DAGLA: variants seen among roughly 807,000 people sequenced by gnomAD.
DAGLA encodes the protein diacylglycerol lipase alpha.
A neutral mutation model predicts 102.6 loss-of-function variants in DAGLA; 22 were observed. The ratio of observed to expected loss-of-function variants is 0.21; its 90% CI spans 0.15 to 0.31. The LOEUF (loss-of-function observed/expected upper bound fraction) is 0.31, where lower values mean the gene tolerates loss of function less well. Ranked by LOEUF, DAGLA falls within the 10% of genes least tolerant of loss-of-function variation. DAGLA has a pLI of 1.00. For missense variants in DAGLA, 927 were observed against 1,446.6 expected (o/e 0.64, Z 5.83); for synonymous variants, 578 against 628.9 (o/e 0.92, Z 1.21).
At chr11:61,738,782 C>T (rs777484145) in intron 16 of DAGLA, among the ~76,000 whole-genome samples, 28 of 152,230 alleles carry the variant, frequency 1.8e-4, no homozygotes, top group Admixed American at 9.1e-4. Flanking sequence ...GGCAGGCCAG[C>T]GCAGGAGGAG....
At chr11:61,728,073 G>T in intron 6 of DAGLA, 80 bp from the exon 7 acceptor site, 1 of 1,545,204 alleles carries the variant, frequency 6.5e-7, no homozygotes, top group Non-Finnish European at 8.9e-7. Flanking sequence ...CAGCCTCCCA[G>T]CCCTGGGGGA....
chr11:61,719,848 C>G (rs978264114), intron 1 of DAGLA, among the ~76,000 whole-genome samples: 1 of 151,978 alleles, frequency 6.6e-6, no homozygotes. Flanking sequence ...TGGGGTAACC[C>G]CAGGTAGAAG....
Position 61,746,992 on chromosome 11 carries a change from T to C in DAGLA, c.*2503T>C, listed in dbSNP as rs976759676. On this transcript the variant is annotated 3_prime_UTR_variant, in exon 20 of 20. Transcript: ENST00000257215. ...TGTATAGAGCTGTGTATAAACTGGA[T>C]GTAGAAGCACGCTGGCTGCCTCGAA... 3 of 152,448 alleles carry C rather than the reference T, an allele frequency of 2.0e-5. No individual in the cohort carries two copies. Among genetic ancestry groups the C allele is most frequent in the African/African-American group, 7.2e-5 (3 of 41,444 alleles). The allele number at this position is 152,448 out of a possible 1,614,324, so 9.4% of individuals were successfully genotyped here. A position where few individuals can be genotyped will look rare whatever the true frequency, so the allele number is the denominator to read the frequency against.
At chr11:61,703,264 A>T (rs2065122889) in intron 1 of DAGLA, among the ~76,000 whole-genome samples, 1 of 152,230 alleles carries the variant, frequency 6.6e-6, no homozygotes, top group Non-Finnish European at 1.5e-5. Flanking sequence ...TGGTGGAGGG[A>T]GCCAGATGGT....
intron 6 of DAGLA, 139 bp from the exon 7 acceptor site, chr11:61,728,014 G>T: frequency 1.1e-6 from 1 of 939,478 alleles, no homozygotes; most frequent in Admixed American, 1.9e-5. Flanking sequence ...CGCTGTGGAG[G>T]TGCTGGGGAG....
intron 9 of DAGLA, among the ~76,000 whole-genome samples, chr11:61,732,918 AGCCCT>A (rs2065388514): frequency 6.6e-6 from 1 of 152,074 alleles, no homozygotes; most frequent in Non-Finnish European, 1.5e-5. Context: ...GCTTGGCCCT[AGCCCT>A]GCCCTGGATG....
chr11:61,718,572 G>A (rs1253288817), intron 1 of DAGLA, among the ~76,000 whole-genome samples: 1 of 150,634 alleles, frequency 6.6e-6, no homozygotes, highest in East Asian at 1.9e-4. Flanking sequence ...CTGACGCCCC[G>A]GACCCCTGCA....
In DAGLA at chr11:61,744,008, G is replaced by C; in HGVS notation, c.2648G>C (p.Gly883Ala). Residue 883 changes from glycine (G) to alanine (A), a missense_variant, in exon 20 of 20, where the codon GGC (glycine) becomes GCC (alanine). Coordinates refer to ENST00000257215, the MANE Select transcript of DAGLA (RefSeq NM_006133.3). ...AAANDEEEEV[G>A]GGGGGPASRG... is the part of the protein sequence containing the mutation. ...GCCAATGACGAGGAGGAAGAGGTTG[G>C]CGGTGGGGGTGGCGGGCCGGCCTCC... The C allele has an allele frequency of 6.2e-7, 1 of 1,612,086 alleles. No individual in the cohort carries two copies. Among genetic ancestry groups the C allele is most frequent in the Non-Finnish European group, 8.5e-7 (1 of 1,179,666 alleles).
chr11:61,746,712 AC>A lies in DAGLA; in HGVS notation c.*2228del, dbSNP rs2065543143. 1 of 151,806 alleles carries A rather than the reference AC, an allele frequency of 6.6e-6. No individual in the cohort carries two copies. The highest frequency in any genetic ancestry group is 2.4e-5 in the African/African-American group (1 of 41,108). The allele number at this position is 151,806 out of a possible 1,614,324, so 9.4% of individuals were successfully genotyped here. On this transcript the variant is annotated 3_prime_UTR_variant, in exon 20 of 20. Transcript: ENST00000257215. Reference sequence around the variant, plus strand: ...CCTCAGCCCCGTTCGGCTCAGACCGACCCCCACTCCATCCCCAGACCTGCAG... The same window carrying A: ...CCTCAGCCCCGTTCGGCTCAGACCGACCCCACTCCATCCCCAGACCTGCAG...
chr11:61,737,792 G>A (rs1227874674), intron 15 of DAGLA, 37 bp downstream of exon 15: 1 of 1,585,242 alleles, frequency 6.3e-7, no homozygotes, highest in South Asian at 1.1e-5. Flanking sequence ...CCCTTGCCAG[G>A]CTGTTCCTCC....
Position 61,743,895 on chromosome 11 carries a change from C to T in DAGLA, c.2535C>T (p.Ser845=), listed in dbSNP as rs750243636. ...GCACTGAGCTGCTGGCGGCCGACAG[C>T]CTGTCCAAGCACTCACAGGACACGC... is the stretch of plus-strand genomic sequence containing the variant. ...SSRTELLAAD[S]LSKHSQDTQP... The change falls in exon 20 of 20, where the codon AGC becomes AGT. Residue 845 remains serine, a synonymous_variant. Transcript: ENST00000257215. The T allele has an allele frequency of 6.2e-6, 10 of 1,612,388 alleles. No homozygotes were observed. Among genetic ancestry groups the T allele is most frequent in the East Asian group, 2.2e-5 (1 of 44,874 alleles).
intron 1 of DAGLA, among the ~76,000 whole-genome samples, chr11:61,696,509 G>T (rs1250750835): frequency 6.6e-6 from 1 of 151,686 alleles, no homozygotes; most frequent in African/African-American, 2.4e-5. Flanking sequence ...TCCCCTGTGG[G>T]AGAGGCAGGA....
At chr11:61,692,593 T>C (rs1350716833) in intron 1 of DAGLA, among the ~76,000 whole-genome samples, 1 of 152,138 alleles carries the variant, frequency 6.6e-6, no homozygotes, top group African/African-American at 2.4e-5. Context: ...CCACCCTTTA[T>C]GCATAAACCT....
chr11:61,681,113 C>T (rs906154701), intron 1 of DAGLA, among the ~76,000 whole-genome samples: 1 of 152,012 alleles, frequency 6.6e-6, no homozygotes, highest in East Asian at 1.9e-4. Context: ...AGTCCGTGGC[C>T]CTCCCATCCT....
intron 1 of DAGLA, among the ~76,000 whole-genome samples, chr11:61,709,796 G>T (rs2135569561): frequency 1.3e-5 from 2 of 152,276 alleles, no homozygotes; most frequent in Middle Eastern, 6.8e-3. Flanking sequence ...CTGTTACGAA[G>T]TCACTTGATC....
At chr11:61,707,818 G>A (rs2065161925) in intron 1 of DAGLA, among the ~76,000 whole-genome samples, 1 of 152,282 alleles carries the variant, frequency 6.6e-6, no homozygotes, top group Admixed American at 6.5e-5. Flanking sequence ...GTGCCCGGCC[G>A]GCAGGGACAG....
chr11:61,704,169 G>A (rs1472877760), intron 1 of DAGLA, among the ~76,000 whole-genome samples: 1 of 151,278 alleles, frequency 6.6e-6, no homozygotes, highest in Admixed American at 6.6e-5. Context: ...ACCCAGGCTG[G>A]AGTGCAATGG....
intron 1 of DAGLA, among the ~76,000 whole-genome samples, chr11:61,697,202 A>C (rs72918068): frequency 1.3e-5 from 2 of 152,120 alleles, no homozygotes; most frequent in South Asian, 2.1e-4. Flanking sequence ...TGGCTGTGCA[A>C]ATTCCTTTGT....
chr11:61,688,980 C>CAG (rs1470181179), intron 1 of DAGLA, among the ~76,000 whole-genome samples: 1 of 152,284 alleles, frequency 6.6e-6, no homozygotes, highest in Non-Finnish European at 1.5e-5. Flanking sequence ...AAGAAAAGGG[C>CAG]AGAGCCCTTG....
Sources: gnomAD v4.1 joint callset for allele counts (sites outside exome capture counted in the v4.1 genomes callset) on GRCh38, gnomAD v4.1.1 for gene constraint, MANE v1.5 for transcripts, NCBI Gene and HGNC (gene_info 2026-07-23, HGNC 2026-07-21) for gene names.